Variants in ANO3 observed in about 807,000 individuals in gnomAD.
ANO3 encodes the protein anoctamin-3.
Under a neutral mutation model 144.8 loss-of-function variants are expected in ANO3, and 99 were observed. That is an observed-to-expected ratio of 0.68 (90% CI 0.58 to 0.81). ANO3 has a LOEUF of 0.81. ANO3 is among the 30% of genes least tolerant of loss of function. The pLI is 0.00. For missense variants in ANO3, 905 were observed against 1,202.2 expected (o/e 0.75, Z 3.66); for synonymous variants, 414 against 392.6 (o/e 1.05, Z -0.64).
intron 6 of ANO3, among the ~76,000 whole-genome samples, chr11:26,517,216 T>C (rs1027208691): frequency 7.9e-5 from 12 of 152,018 alleles, no homozygotes; most frequent in African/African-American, 2.7e-4. Flanking sequence ...GTCTCACTCC[T>C]TATTTCATAT....
At chr11:26,270,644 T>A (rs1853419031) in intron 1 of ANO3, among the ~76,000 whole-genome samples, 2 of 152,218 alleles carry the variant, frequency 1.3e-5, no homozygotes, top group South Asian at 4.1e-4. Context: ...CGAATTCATT[T>A]ATTCACTCAA....
intron 18 of ANO3, among the ~76,000 whole-genome samples, chr11:26,630,984 T>TC (rs961211414): frequency 2.6e-5 from 4 of 151,928 alleles, no homozygotes; most frequent in Non-Finnish European, 5.9e-5. Flanking sequence ...TTCTTTTTTT[T>TC]TTTAGTTAAT....
chr11:26,382,316 A>G (rs1273673005), intron 1 of ANO3, among the ~76,000 whole-genome samples: 1 of 152,180 alleles, frequency 6.6e-6, no homozygotes, highest in Non-Finnish European at 1.5e-5. Context: ...TAGTTTTCAA[A>G]GCAATGCTAG....
chr11:26,296,188 T>G (rs1396916536), intron 1 of ANO3, among the ~76,000 whole-genome samples: 3 of 152,228 alleles, frequency 2.0e-5, no homozygotes, highest in African/African-American at 7.2e-5. Flanking sequence ...GATTTATATA[T>G]GAAAATGTTC....
chr11:26,505,919 G>A (rs936114660), intron 4 of ANO3, among the ~76,000 whole-genome samples: 30 of 145,398 alleles, frequency 2.1e-4, no homozygotes, highest in African/African-American at 7.1e-4. Flanking sequence ...CGTGAATCCC[G>A]GAGGCGGAGC....
chr11:26,373,752 C>T (rs929921048), intron 1 of ANO3, among the ~76,000 whole-genome samples: 4 of 151,944 alleles, frequency 2.6e-5, no homozygotes, highest in East Asian at 1.9e-4. Flanking sequence ...ATGCATGCAT[C>T]GTACATAGTA....
intron 1 of ANO3, among the ~76,000 whole-genome samples, chr11:26,190,045 T>C (rs968387494): frequency 2.6e-5 from 4 of 152,298 alleles, no homozygotes; most frequent in Admixed American, 1.3e-4. Flanking sequence ...TAAAAAATGT[T>C]TGCCTGATGG....
At chr11:26,267,412 T>C (rs1853340130) in intron 1 of ANO3, among the ~76,000 whole-genome samples, 1 of 152,190 alleles carries the variant, frequency 6.6e-6, no homozygotes, top group South Asian at 2.1e-4. Context: ...TTTCCTTCTA[T>C]AGAGGATTCA....
chr11:26,526,248 G>T (rs1045018888), intron 7 of ANO3, among the ~76,000 whole-genome samples: 20 of 152,096 alleles, frequency 1.3e-4, no homozygotes, highest in Admixed American at 1.3e-3. Flanking sequence ...ACCTATTGTG[G>T]TAAGAATAAC....
intron 3 of ANO3, among the ~76,000 whole-genome samples, chr11:26,458,890 AGT>A (rs918883063): frequency 1.3e-5 from 2 of 152,096 alleles, no homozygotes; most frequent in African/African-American, 4.8e-5. Context: ...GTTTTATATG[AGT>A]GTGTGTTTTA....
At position 26,662,435 on chromosome 11, in the gene ANO3, C is replaced by T. The variant is rs1003289830; in HGVS notation, c.*1991C>T. On this transcript the variant is annotated 3_prime_UTR_variant, in exon 27 of 27. Coordinates refer to ENST00000256737, the MANE Select transcript of ANO3 (RefSeq NM_031418.4). ...TTTTTCTTTGTTAGGTACATGTATA[C>T]ACCTGCCTGAGTATAAATACTCTCT... 1.3e-5 allele frequency: 2 copies of T among 151,856 alleles called. No homozygotes were observed. The highest frequency in any genetic ancestry group is 4.8e-5 in the African/African-American group (2 of 41,362). The allele number at this position is 151,856 out of a possible 1,614,324, so 9.4% of individuals were successfully genotyped here. A position where few individuals can be genotyped will look rare whatever the true frequency, so the allele number is the denominator to read the frequency against.
upstream of ANO3, among the ~76,000 whole-genome samples, chr11:26,305,157 C>CAA (rs60302507): frequency 1.3e-4 from 13 of 101,416 alleles, no homozygotes; most frequent in African/African-American, 3.9e-4. Context: ...CCCTACAAGG[C>CAA]AAAAAAAAAA....
chr11:26,389,475 C>A (rs1162435286), intron 1 of ANO3, among the ~76,000 whole-genome samples: 1 of 151,926 alleles, frequency 6.6e-6, no homozygotes, highest in Non-Finnish European at 1.5e-5. Flanking sequence ...CCAGATATGA[C>A]ACATATTTAG....
intron 1 of ANO3, among the ~76,000 whole-genome samples, chr11:26,234,821 A>G (rs1302774644): frequency 8.2e-6 from 1 of 122,122 alleles, no homozygotes; most frequent in Admixed American, 8.2e-5. Context: ...ATTGGCTTAC[A>G]TGCTTATGGA....
At chr11:26,531,976 C>CA (rs1291598915) in intron 8 of ANO3, among the ~76,000 whole-genome samples, 2 of 151,878 alleles carry the variant, frequency 1.3e-5, no homozygotes, top group Admixed American at 6.6e-5. Context: ...ATGGGGCAGA[C>CA]AAAAATGTAA....
chr11:26,544,566 G>A (rs991770602), intron 11 of ANO3, among the ~76,000 whole-genome samples: 1 of 132,304 alleles, frequency 7.6e-6, no homozygotes, highest in Non-Finnish European at 1.6e-5. Context: ...TTTTATGCTT[G>A]AAAATTGCTG....
intron 4 of ANO3, among the ~76,000 whole-genome samples, chr11:26,491,077 A>C (rs980247623): frequency 6.6e-6 from 1 of 152,154 alleles, no homozygotes; most frequent in Non-Finnish European, 1.5e-5. Context: ...CTAAATGCCC[A>C]CAGCTGTTAT....
At chr11:26,572,496 G>T (rs552519534) in intron 14 of ANO3, among the ~76,000 whole-genome samples, 1 of 152,146 alleles carries the variant, frequency 6.6e-6, no homozygotes, top group African/African-American at 2.4e-5. Context: ...CTCCTTGCAG[G>T]TGAGGAATCC....
chr11:26,357,772 A>C lies in ANO3; in HGVS notation c.46+25451A>C, dbSNP rs145274950. Among the ~76,000 whole-genome samples the C allele has an allele frequency of 7.6e-4, 116 of 152,260 alleles. 2 individuals carry two copies. Among genetic ancestry groups the C allele is most frequent in the African/African-American group, 2.6e-3 (110 of 41,564 alleles). On this transcript the variant is annotated intron_variant, in intron 1 of 26. Transcript: ENST00000256737. ...ATATTTTTATAACTGAGTGTCACAA[A>C]TGTTTCCCTTTATGTTTCTTTCTAG...
Sources: gnomAD v4.1 joint callset for allele counts (sites outside exome capture counted in the v4.1 genomes callset) on GRCh38, gnomAD v4.1.1 for gene constraint, MANE v1.5 for transcripts, NCBI Gene and HGNC (gene_info 2026-07-23, HGNC 2026-07-21) for gene names.